The following SLC17A1 variants were observed in gnomAD, a reference collection of about 807,000 sequenced individuals.
The protein encoded by SLC17A1 is sodium-dependent phosphate transport protein 1.
SLC17A1 carries 51 observed loss-of-function variants against 53.5 expected under a neutral mutation model. That is an observed-to-expected ratio of 0.95 (90% CI 0.76 to 1.20). SLC17A1 has a LOEUF of 1.20. Among genes scored for constraint, SLC17A1 ranks in the 50% most tolerant of loss-of-function variants. SLC17A1 has a pLI of 0.00. For synonymous variants in SLC17A1, 179 were observed against 198.8 expected (o/e 0.90, Z 0.84); for missense variants, 538 against 568.2 (o/e 0.95, Z 0.54).
At chr6:25,781,694 G>C (rs938825068), downstream of SLC17A1, among the ~76,000 whole-genome samples, 5 of 152,046 alleles carry the variant, frequency 3.3e-5, 1 homozygote, top group Admixed American at 2.0e-4. Context: ...AAGCTGGGAG[G>C]GGGAGAGGAG....
chr6:25,727,104 T>C, the SLC17A1 span: 1 of 1,614,246 alleles, frequency 6.2e-7, no homozygotes, highest in Non-Finnish European at 8.5e-7. Context: ...CATTATGAAT[T>C]CCTTCGTCAC....
At chr6:25,755,280 C>T in the SLC17A1 span, among the ~76,000 whole-genome samples, 36,149 of 151,924 alleles carry the variant, frequency 0.24, 4,901 homozygotes, top group Non-Finnish European at 0.3. Flanking sequence ...TTGGTTCCAG[C>T]GAATTTATGG....
At chr6:25,762,386 C>T in the SLC17A1 span, among the ~76,000 whole-genome samples, 2 of 152,178 alleles carry the variant, frequency 1.3e-5, no homozygotes, top group African/African-American at 4.8e-5. Context: ...CCTATTAGAT[C>T]TCTCTGCTCA....
chr6:25,737,787 C>T, the SLC17A1 span, among the ~76,000 whole-genome samples: 3,362 of 152,224 alleles, frequency 0.022, 55 homozygotes, highest in African/African-American at 0.047. Context: ...AAAGAGTCTT[C>T]TCTACGATTG....
chr6:25,725,329 A>G, the SLC17A1 span, among the ~76,000 whole-genome samples: 1 of 152,176 alleles, frequency 6.6e-6, no homozygotes, highest in Admixed American at 6.5e-5. Context: ...TTTTACTTAC[A>G]TTTTAAGAAA....
At chr6:25,732,478 C>T in the SLC17A1 span, 5 of 363,656 alleles carry the variant, frequency 1.4e-5, no homozygotes, top group Non-Finnish European at 2.1e-5. Flanking sequence ...GGGAAGGGTA[C>T]GCGCTATTCA....
chr6:25,739,451 A>G, the SLC17A1 span, among the ~76,000 whole-genome samples: 2 of 152,324 alleles, frequency 1.3e-5, no homozygotes, highest in African/African-American at 4.8e-5. Flanking sequence ...ATAAATATTC[A>G]GTCTATAATG....
chr6:25,748,945 A>G, the SLC17A1 span, among the ~76,000 whole-genome samples: 4 of 152,162 alleles, frequency 2.6e-5, no homozygotes, highest in Non-Finnish European at 5.9e-5. Flanking sequence ...CAAATGTACA[A>G]TTGTGTTTTG....
chr6:25,777,127 G>T, the SLC17A1 span: 4 of 762,710 alleles, frequency 5.2e-6, no homozygotes, highest in Non-Finnish European at 8.0e-6. Context: ...ACTCAAAGCT[G>T]GTGGACCATT....
chr6:25,726,900 G>A, the SLC17A1 span: 2 of 1,608,218 alleles, frequency 1.2e-6, no homozygotes, highest in South Asian at 1.1e-5. Flanking sequence ...GCAGAAGTGT[G>A]TGGTAGCTAT....
chr6:25,732,458 G>A, the SLC17A1 span: 2 of 299,704 alleles, frequency 6.7e-6, no homozygotes, highest in South Asian at 7.7e-5. Context: ...CTTAGACTAG[G>A]GAAACTCGGG....
At chr6:25,776,900 T>G in the SLC17A1 span, 1 of 1,613,798 alleles carries the variant, frequency 6.2e-7, no homozygotes, top group African/African-American at 1.3e-5. Context: ...TGCTGTCTTC[T>G]GCCATCAGCA....
the SLC17A1 span, among the ~76,000 whole-genome samples, chr6:25,763,800 G>T: frequency 6.6e-6 from 1 of 152,160 alleles, no homozygotes; most frequent in African/African-American, 2.4e-5. Context: ...GATTTCTGGG[G>T]CCAGGCTGTA....
intron 12 of SLC17A1, among the ~76,000 whole-genome samples, chr6:25,792,521 C>T (rs570569048): frequency 1.3e-5 from 2 of 152,218 alleles, no homozygotes; most frequent in East Asian, 3.9e-4. Flanking sequence ...GCAAAAGACC[C>T]CCATCAGGAT....
downstream of SLC17A1, among the ~76,000 whole-genome samples, chr6:25,781,880 T>C (rs935128332): frequency 5.3e-5 from 8 of 152,074 alleles, no homozygotes; most frequent in African/African-American, 1.9e-4. Flanking sequence ...ATCTAAACCA[T>C]AGCAGAAGGA....
At chr6:25,773,202 A>C in the SLC17A1 span, 3 of 1,178,170 alleles carry the variant, frequency 2.5e-6, no homozygotes, top group Non-Finnish European at 3.8e-6. Flanking sequence ...TGTCAACCAC[A>C]GGAATCATCT....
At chr6:25,831,876 C>T (rs549746779) in intron 1 of SLC17A1, 118 bp downstream of exon 1, 1 of 152,266 alleles carries the variant, frequency 6.6e-6, no homozygotes, top group South Asian at 2.1e-4. Context: ...CACCCCTCCC[C>T]ACATTTTCCC....
At chr6:25,777,984 T>C (rs775503614), downstream of SLC17A1, 1 of 1,612,928 alleles carries the variant, frequency 6.2e-7, no homozygotes, top group East Asian at 2.2e-5. Context: ...TGGAGCCATC[T>C]CTCCTACTGC....
At chr6:25,805,657 A>C in intron 10 of SLC17A1, among the ~76,000 whole-genome samples, 1 of 152,030 alleles carries the variant, frequency 6.6e-6, no homozygotes, top group East Asian at 1.9e-4. Context: ...AGATTCAAAT[A>C]AAACACAATT....
Sources: gnomAD v4.1 joint callset for allele counts (sites outside exome capture counted in the v4.1 genomes callset) on GRCh38, gnomAD v4.1.1 for gene constraint, MANE v1.5 for transcripts, NCBI Gene and HGNC (gene_info 2026-07-23, HGNC 2026-07-21) for gene names.